The following KIF13B variants were observed in gnomAD, a reference collection of about 807,000 sequenced individuals.
KIF13B encodes kinesin family member 13B, also known as kinesin-like protein KIF13B.
KIF13B carries 127 observed loss-of-function variants against 222.0 expected under a neutral mutation model. That is an observed-to-expected ratio of 0.57 (90% CI 0.50 to 0.66). The LOEUF is 0.66. Among genes scored for constraint, KIF13B ranks in the 30% least tolerant of loss-of-function variants. The pLI, the probability that KIF13B is intolerant of heterozygous loss-of-function variation, is 0.00. For synonymous variants in KIF13B, 976 were observed against 919.0 expected (o/e 1.06, Z -1.12); for missense variants, 2,173 against 2,379.0 (o/e 0.91, Z 1.80).
chr8:29,177,094 C>G (rs968199094), intron 9 of KIF13B, among the ~76,000 whole-genome samples: 6 of 152,266 alleles, frequency 3.9e-5, no homozygotes, highest in Middle Eastern at 3.4e-3. Context: ...CAGGGAACAG[C>G]CATGGTTGTT....
chr8:29,114,221 G>A (rs1563712698), intron 31 of KIF13B, among the ~76,000 whole-genome samples: 1 of 152,120 alleles, frequency 6.6e-6, no homozygotes, highest in Non-Finnish European at 1.5e-5. Flanking sequence ...CACATGAAAT[G>A]GGCACCGAGC....
In KIF13B at chr8:29,069,266, C is replaced by G. The variant is rs1807139122; in HGVS notation, c.*1238G>C. On this transcript the variant is annotated 3_prime_UTR_variant, in exon 40 of 40. Transcript: ENST00000524189. Reference sequence around the variant, plus strand: ...CCCCAGCCAGGAGGTGGAGGCCACCCCGGAAGCTTCCGGCTGTCCCGCCCA... The same window carrying G: ...CCCCAGCCAGGAGGTGGAGGCCACCGCGGAAGCTTCCGGCTGTCCCGCCCA... 1 of 152,308 alleles carries G rather than the reference C, an allele frequency of 6.6e-6. No homozygotes were observed. Among genetic ancestry groups the G allele is most frequent in the Non-Finnish European group, 1.5e-5 (1 of 68,132 alleles). 9.4% of individuals were successfully genotyped at this position (152,308 alleles called of 1,614,324 possible).
chr8:29,142,348 G>C, intron 18 of KIF13B, 45 bp from the exon 19 acceptor site: 1 of 1,562,258 alleles, frequency 6.4e-7, no homozygotes, highest in Non-Finnish European at 8.7e-7. Flanking sequence ...ACAGGCAGCG[G>C]GGAAGTCAAA....
intron 2 of KIF13B, among the ~76,000 whole-genome samples, chr8:29,216,796 A>C (rs1424042094): frequency 6.6e-6 from 1 of 152,138 alleles, no homozygotes; most frequent in African/African-American, 2.4e-5. Context: ...TAAAGTGGGC[A>C]GCCTGAGACT....
intron 2 of KIF13B, among the ~76,000 whole-genome samples, chr8:29,199,550 C>T (rs1392987708): frequency 7.1e-6 from 1 of 141,108 alleles, no homozygotes; most frequent in Non-Finnish European, 1.5e-5. Context: ...ATGCTCATTG[C>T]CCTTATGCAA....
intron 1 of KIF13B, among the ~76,000 whole-genome samples, chr8:29,261,404 T>C (rs1033107766): frequency 2.6e-5 from 4 of 152,146 alleles, no homozygotes; most frequent in Non-Finnish European, 5.9e-5. Context: ...ATATCTGAGA[T>C]GTCTTTTGTG....
intron 1 of KIF13B, chr8:29,250,160 T>C (rs1026996463): frequency 1.3e-5 from 9 of 679,574 alleles, no homozygotes; most frequent in Non-Finnish European, 1.8e-5. Flanking sequence ...AGTTGGTCAT[T>C]AGTTTCTTGC....
chr8:29,098,288 C>T (rs1490462911), intron 36 of KIF13B, among the ~76,000 whole-genome samples: 2 of 150,348 alleles, frequency 1.3e-5, no homozygotes, highest in African/African-American at 4.9e-5. Context: ...AAAGGAGACA[C>T]AAAGATCTAA....
At chr8:29,097,414 T>A (rs1229153636) in intron 36 of KIF13B, among the ~76,000 whole-genome samples, 1 of 152,212 alleles carries the variant, frequency 6.6e-6, no homozygotes, top group Non-Finnish European at 1.5e-5. Flanking sequence ...TAATGCCCTC[T>A]CAAGAACTGA....
At chr8:29,150,908 G>A (rs996830898) in intron 14 of KIF13B, among the ~76,000 whole-genome samples, 7 of 151,920 alleles carry the variant, frequency 4.6e-5, no homozygotes, top group Non-Finnish European at 8.8e-5. Context: ...ACCTCTAACT[G>A]TTTAAGTAAA....
At chr8:29,262,892 C>A in intron 1 of KIF13B, 88 bp downstream of exon 1, 1 of 1,072,766 alleles carries the variant, frequency 9.3e-7, no homozygotes, top group South Asian at 1.7e-5. Flanking sequence ...AGGGGCGGGG[C>A]CGCCGGACCC....
chr8:29,109,576 T>C (rs1428523093), intron 33 of KIF13B, 65 bp from the exon 34 acceptor site: 11 of 1,302,478 alleles, frequency 8.4e-6, no homozygotes, highest in South Asian at 3.6e-5. Flanking sequence ...AGCAACACCA[T>C]GTACAGCAGA....
intron 22 of KIF13B, among the ~76,000 whole-genome samples, chr8:29,133,037 G>A (rs1230793729): frequency 4.6e-5 from 7 of 152,156 alleles, no homozygotes; most frequent in Non-Finnish European, 1.0e-4. Context: ...TCCTATCTCT[G>A]TTGTTGTCTC....
At chr8:29,173,817 AC>A in intron 10 of KIF13B, among the ~76,000 whole-genome samples, 1 of 151,526 alleles carries the variant, frequency 6.6e-6, no homozygotes, top group South Asian at 2.1e-4. Context: ...GGCGGTGCGC[AC>A]CTGTAATCCC....
intron 14 of KIF13B, among the ~76,000 whole-genome samples, chr8:29,151,403 C>G (rs1159069868): frequency 1.3e-5 from 2 of 152,328 alleles, no homozygotes; most frequent in East Asian, 3.9e-4. Context: ...ATGAAACAGA[C>G]TTCTACTGGA....
intron 2 of KIF13B, among the ~76,000 whole-genome samples, chr8:29,225,335 G>A (rs1307826506): frequency 6.6e-6 from 1 of 152,164 alleles, no homozygotes; most frequent in African/African-American, 2.4e-5. Flanking sequence ...TTTACAGATG[G>A]AGAAATAGGC....
intron 36 of KIF13B, among the ~76,000 whole-genome samples, chr8:29,098,220 T>C (rs1367415345): frequency 8.0e-6 from 1 of 124,506 alleles, no homozygotes; most frequent in Admixed American, 7.9e-5. Flanking sequence ...ATAAACTTAA[T>C]AATCTAGATA....
intron 21 of KIF13B, among the ~76,000 whole-genome samples, chr8:29,134,954 A>AT (rs1314203572): frequency 1.3e-5 from 2 of 152,206 alleles, no homozygotes; most frequent in Non-Finnish European, 2.9e-5. Flanking sequence ...CTGGAGATAC[A>AT]TGTCTAATCA....
chr8:29,197,549 T>C (rs1182619550), intron 2 of KIF13B, among the ~76,000 whole-genome samples: 1 of 152,100 alleles, frequency 6.6e-6, no homozygotes, highest in Non-Finnish European at 1.5e-5. Context: ...CATACACATA[T>C]ATGTTTTTTT....
Sources: gnomAD v4.1 joint callset for allele counts (sites outside exome capture counted in the v4.1 genomes callset) on GRCh38, gnomAD v4.1.1 for gene constraint, MANE v1.5 for transcripts, NCBI Gene and HGNC (gene_info 2026-07-23, HGNC 2026-07-21) for gene names.